The following PARD3 variants were observed in gnomAD, a reference collection of about 807,000 sequenced individuals.
The protein encoded by PARD3 is partitioning defective 3 homolog.
PARD3 carries 75 observed loss-of-function variants against 155.4 expected under a neutral mutation model. The ratio of observed to expected loss-of-function variants is 0.48; its 90% CI spans 0.40 to 0.58. PARD3 has a LOEUF of 0.58. Ranked by LOEUF, PARD3 falls within the 20% of genes least tolerant of loss-of-function variation. The pLI is 0.00. For missense variants in PARD3, 1,642 were observed against 1,721.7 expected, an observed-to-expected ratio of 0.95 and a Z score of 0.82; for synonymous variants, 576 against 610.5, an observed-to-expected ratio of 0.94 and a Z score of 0.83.
chr10:34,567,749 G>T (rs1271109200), intron 2 of PARD3, among the ~76,000 whole-genome samples: 1 of 152,198 alleles, frequency 6.6e-6, no homozygotes, highest in African/African-American at 2.4e-5. Flanking sequence ...AAAATAGGAA[G>T]ATCTGAAACC....
intron 2 of PARD3, among the ~76,000 whole-genome samples, chr10:34,610,742 CT>C (rs1239954691): frequency 1.3e-5 from 2 of 152,090 alleles, no homozygotes; most frequent in Non-Finnish European, 2.9e-5. Flanking sequence ...CAAAATTAAA[CT>C]GCTAAACATT....
At chr10:34,262,472 T>A (rs1489450191) in intron 22 of PARD3, among the ~76,000 whole-genome samples, 1 of 152,086 alleles carries the variant, frequency 6.6e-6, no homozygotes, top group East Asian at 1.9e-4. Context: ...CGCTGTGTTG[T>A]CTAGGATGGT....
At chr10:34,356,188 C>T (rs1165714492) in intron 14 of PARD3, among the ~76,000 whole-genome samples, 3 of 151,958 alleles carry the variant, frequency 2.0e-5, no homozygotes, top group Non-Finnish European at 4.4e-5. Context: ...TGCCCTGTCG[C>T]GACTAATGTT....
chr10:34,236,026 G>C (rs534008459), intron 22 of PARD3, among the ~76,000 whole-genome samples: 1 of 152,178 alleles, frequency 6.6e-6, no homozygotes, highest in African/African-American at 2.4e-5. Context: ...TCTATAGCTG[G>C]TGAATGCCAA....
chr10:34,359,598 C>T (rs1432694851), intron 13 of PARD3, among the ~76,000 whole-genome samples: 1 of 152,154 alleles, frequency 6.6e-6, no homozygotes. Context: ...AAAGTGATTA[C>T]TTTCTTGCTT....
At chr10:34,586,470 A>G (rs2134310599) in intron 2 of PARD3, among the ~76,000 whole-genome samples, 1 of 152,336 alleles carries the variant, frequency 6.6e-6, no homozygotes, top group South Asian at 2.1e-4. Flanking sequence ...TGTATGACTG[A>G]GCACATCAGT....
intron 2 of PARD3, among the ~76,000 whole-genome samples, chr10:34,561,911 C>G (rs2085510469): frequency 6.6e-6 from 1 of 151,294 alleles, no homozygotes. Flanking sequence ...GTGTGTGGAT[C>G]ACTTGAGGTC....
At chr10:34,155,962 G>A (rs923195172) in intron 22 of PARD3, among the ~76,000 whole-genome samples, 1 of 152,106 alleles carries the variant, frequency 6.6e-6, no homozygotes, top group Non-Finnish European at 1.5e-5. Flanking sequence ...AGTCTGAGAG[G>A]TCACAGCTCC....
intron 22 of PARD3, among the ~76,000 whole-genome samples, chr10:34,245,956 C>A (rs1008129473): frequency 2.0e-5 from 3 of 152,178 alleles, no homozygotes; most frequent in African/African-American, 7.2e-5. Flanking sequence ...GAAACATAGA[C>A]AAGGGTGTAG....
At chr10:34,226,324 T>C (rs1588847757) in intron 22 of PARD3, among the ~76,000 whole-genome samples, 1 of 151,898 alleles carries the variant, frequency 6.6e-6, no homozygotes, top group African/African-American at 2.4e-5. Context: ...CTGAGGCGGG[T>C]GGATCACTTA....
At chr10:34,804,470 A>G (rs1390156186) in intron 1 of PARD3, among the ~76,000 whole-genome samples, 1 of 152,216 alleles carries the variant, frequency 6.6e-6, no homozygotes, top group African/African-American at 2.4e-5. Flanking sequence ...TCAGGAACCA[A>G]TATCCTGCAC....
At chr10:34,306,563 C>A (rs61840257) in intron 20 of PARD3, among the ~76,000 whole-genome samples, 1 of 151,532 alleles carries the variant, frequency 6.6e-6, no homozygotes, top group African/African-American at 2.4e-5. Flanking sequence ...GCAGGAGAAT[C>A]GCTTGAACCT....
Position 34,636,397 on chromosome 10 carries a change from G to C in PARD3, c.222+59921C>G, listed in dbSNP as rs1249445558. On this transcript the variant is annotated intron_variant, in intron 2 of 24. Coordinates refer to ENST00000374788, the MANE Select transcript of PARD3 (RefSeq NM_001184785.2). ...CCCCTTTGCTCGCTGGCCCTTCTGA[G>C]GCCAGACACTCTCTGGCGTTAATTC... Among the ~76,000 whole-genome samples the C allele has an allele frequency of 3.9e-5, 6 of 152,252 alleles. No individual in the cohort carries two copies. The East Asian group carries it at 9.7e-4, about 25-fold the overall frequency.
At chr10:34,796,361 C>T (rs988165874) in intron 1 of PARD3, among the ~76,000 whole-genome samples, 2 of 152,104 alleles carry the variant, frequency 1.3e-5, no homozygotes, top group Non-Finnish European at 2.9e-5. Context: ...ATTCCTGGCC[C>T]ACAAAATCAT....
chr10:34,127,077 T>C (rs1352120849), intron 23 of PARD3, among the ~76,000 whole-genome samples: 1 of 152,216 alleles, frequency 6.6e-6, no homozygotes, highest in Admixed American at 6.5e-5. Context: ...TCATATTAAG[T>C]AGATAACATA....
intron 2 of PARD3, among the ~76,000 whole-genome samples, chr10:34,518,888 T>C (rs1465478785): frequency 6.6e-6 from 1 of 152,144 alleles, no homozygotes; most frequent in African/African-American, 2.4e-5. Flanking sequence ...ATTGTTGAAG[T>C]GGAGAAACTT....
At position 34,365,037 on chromosome 10, in the gene PARD3, G is replaced by A. The variant is rs926870318; in HGVS notation, c.1708-4778C>T. On this transcript the variant is annotated intron_variant, in intron 12 of 24. Coordinates refer to ENST00000374788, the MANE Select transcript of PARD3 (RefSeq NM_001184785.2). ...ATTTAATACTGGTGTGGTGAAATGC[G>A]CATGTTCTTGCACTGCTGGTGAATG... Among the ~76,000 whole-genome samples, 7 of 152,242 alleles carry A rather than the reference G, an allele frequency of 4.6e-5. No individual in the cohort carries two copies. The South Asian group carries it at 8.3e-4, about 18-fold the overall frequency.
chr10:34,322,457 C>G (rs1363357827), intron 19 of PARD3, among the ~76,000 whole-genome samples: 2 of 152,144 alleles, frequency 1.3e-5, no homozygotes, highest in Admixed American at 1.3e-4. Context: ...TTACATATAG[C>G]TGAAAGCATC....
At chr10:34,529,068 T>TTA (rs1222020643) in intron 2 of PARD3, among the ~76,000 whole-genome samples, 3 of 152,144 alleles carry the variant, frequency 2.0e-5, no homozygotes, top group Non-Finnish European at 4.4e-5. Flanking sequence ...ATGCATTCAG[T>TTA]TACAGGGAAA....
Sources: gnomAD v4.1 joint callset for allele counts (sites outside exome capture counted in the v4.1 genomes callset) on GRCh38, gnomAD v4.1.1 for gene constraint, MANE v1.5 for transcripts, NCBI Gene and HGNC (gene_info 2026-07-23, HGNC 2026-07-21) for gene names.